ATG10: variants seen among roughly 807,000 people sequenced by gnomAD.
The protein encoded by ATG10 is ubiquitin-like-conjugating enzyme ATG10.
A neutral mutation model predicts 32.1 loss-of-function variants in ATG10; 30 were observed. That is an observed-to-expected ratio of 0.94 (90% CI 0.70 to 1.27). ATG10 has a LOEUF of 1.27. Ranked by LOEUF, ATG10 falls within the 50% of genes most tolerant of loss-of-function variation. The pLI, the probability that ATG10 is intolerant of heterozygous loss-of-function variation, is 0.00. For synonymous variants in ATG10, 87 were observed against 91.5 expected, an observed-to-expected ratio of 0.95 and a Z score of 0.28; for missense variants, 233 against 262.3, an observed-to-expected ratio of 0.89 and a Z score of 0.77.
intron 2 of ATG10, among the ~76,000 whole-genome samples, chr5:82,022,492 G>A (rs1212034027): frequency 6.6e-6 from 1 of 151,148 alleles, no homozygotes; most frequent in East Asian, 2.0e-4. Context: ...TGCCCGTCTA[G>A]TTTTTGTATT....
rs754191630 is a variant in ATG10 at position 81,987,554 on chromosome 5, T to G, written c.-12-5T>G. On this transcript the variant is annotated splice_region_variant and splice_polypyrimidine_tract_variant and intron_variant, in intron 1 of 7. Transcript: ENST00000282185. ...TGATGCTAATACTTAGTTTTTGTATTGCAGTTATCATTTAACATGGAAGAA... is the reference window on the plus strand; with the variant it reads ...TGATGCTAATACTTAGTTTTTGTATGGCAGTTATCATTTAACATGGAAGAA... 2.6e-5 allele frequency: 39 copies of G among 1,524,142 alleles called. No homozygotes were observed. Among genetic ancestry groups the G allele is most frequent in the Non-Finnish European group, 3.3e-5 (37 of 1,107,414 alleles). 94.4% of individuals were successfully genotyped at this position (1,524,142 alleles called of 1,614,324 possible).
intron 5 of ATG10, among the ~76,000 whole-genome samples, chr5:82,214,377 TATG>T (rs1745597801): frequency 6.6e-6 from 1 of 152,212 alleles, no homozygotes; most frequent in Non-Finnish European, 1.5e-5. Context: ...TCGCTAAATG[TATG>T]ATATTTTGTA....
intron 2 of ATG10, among the ~76,000 whole-genome samples, chr5:82,032,984 C>A (rs896463697): frequency 3.9e-5 from 6 of 152,022 alleles, no homozygotes; most frequent in African/African-American, 1.2e-4. Context: ...ACCATACTAT[C>A]CTGCCTGCTT....
At chr5:82,213,359 C>T (rs1179962560) in intron 5 of ATG10, among the ~76,000 whole-genome samples, 3 of 152,206 alleles carry the variant, frequency 2.0e-5, no homozygotes, top group African/African-American at 4.8e-5. Flanking sequence ...AGATATCTCT[C>T]CTAGTCTTAC....
At chr5:82,133,420 C>A (rs1766618817) in intron 3 of ATG10, among the ~76,000 whole-genome samples, 1 of 152,010 alleles carries the variant, frequency 6.6e-6, no homozygotes, top group African/African-American at 2.4e-5. Context: ...AGGAAAGCGT[C>A]CAGTTTCAGT....
At chr5:82,090,428 T>C (rs1040529086) in intron 3 of ATG10, among the ~76,000 whole-genome samples, 2 of 152,164 alleles carry the variant, frequency 1.3e-5, no homozygotes, top group African/African-American at 4.8e-5. Flanking sequence ...TATTCAGCAA[T>C]GAAAAAGAAC....
At chr5:82,090,460 G>C (rs1037897461) in intron 3 of ATG10, among the ~76,000 whole-genome samples, 9 of 152,188 alleles carry the variant, frequency 5.9e-5, no homozygotes, top group Non-Finnish European at 1.3e-4. Context: ...ACTGCAATTT[G>C]AATCAATGGC....
rs1228505996 is a variant in ATG10, at chr5:82,178,609, A to G, written c.453+22A>G. 30 of 1,439,750 alleles carry G rather than the reference A, an allele frequency of 2.1e-5. 2 individuals carry two copies. In the East Asian group the frequency reaches 6.6e-4, roughly 32 times the overall value. 89.2% of individuals were successfully genotyped at this position (1,439,750 alleles called of 1,614,324 possible). ...ACAGGTTGGAGAGTATTGTCATTTTATTGTATGCATGTTATTGTATTCTTT... is the reference window on the plus strand; with the variant it reads ...ACAGGTTGGAGAGTATTGTCATTTTGTTGTATGCATGTTATTGTATTCTTT... On this transcript the variant is annotated intron_variant, in intron 5 of 7. Coordinates refer to ENST00000282185, the MANE Select transcript of ATG10 (RefSeq NM_031482.5).
intron 3 of ATG10, among the ~76,000 whole-genome samples, chr5:82,107,625 A>G (rs1056517278): frequency 1.1e-4 from 16 of 152,234 alleles, no homozygotes; most frequent in African/African-American, 3.4e-4. Flanking sequence ...CTTCTCTGAA[A>G]TTAAAAGACT....
At chr5:82,142,234 C>T (rs1767180331) in intron 3 of ATG10, among the ~76,000 whole-genome samples, 1 of 152,150 alleles carries the variant, frequency 6.6e-6, no homozygotes, top group Admixed American at 6.5e-5. Flanking sequence ...TGGACAGACT[C>T]ATATATAAAT....
At chr5:81,992,030 G>T (rs1231626681) in intron 2 of ATG10, 3 of 151,874 alleles carry the variant, frequency 2.0e-5, no homozygotes, top group Non-Finnish European at 4.4e-5. Context: ...TCGCTCTGTT[G>T]TCCAGACTGG....
intron 2 of ATG10, among the ~76,000 whole-genome samples, chr5:81,997,463 T>C (rs1761701025): frequency 6.6e-6 from 1 of 152,186 alleles, no homozygotes; most frequent in African/African-American, 2.4e-5. Context: ...GTAAGAACTA[T>C]GGCAACTCAA....
intron 2 of ATG10, among the ~76,000 whole-genome samples, chr5:81,991,776 C>G (rs757305064): frequency 8.7e-5 from 13 of 149,322 alleles, no homozygotes; most frequent in Non-Finnish European, 1.9e-4. Flanking sequence ...GCCTGGCCAA[C>G]AAGAGTGAAA....
chr5:82,230,462 G>C (rs376713541), intron 5 of ATG10, among the ~76,000 whole-genome samples: 1 of 151,896 alleles, frequency 6.6e-6, no homozygotes, highest in African/African-American at 2.4e-5. Context: ...GGCTGGGCAC[G>C]GTGGCTCACG....
At chr5:82,104,445 A>C (rs324910) in intron 3 of ATG10, among the ~76,000 whole-genome samples, 30,061 of 151,292 alleles carry the variant, frequency 0.2, 3,291 homozygotes, top group Middle Eastern at 0.29. Context: ...TTTTTTTTTC[A>C]GTTTTAGATG....
At chr5:82,196,493 T>C (rs1744855659) in intron 5 of ATG10, among the ~76,000 whole-genome samples, 1 of 152,220 alleles carries the variant, frequency 6.6e-6, no homozygotes. Context: ...CTATGTGGTC[T>C]TCTAAGAGTT....
At chr5:82,225,073 G>A (rs901017703) in intron 5 of ATG10, among the ~76,000 whole-genome samples, 2 of 152,176 alleles carry the variant, frequency 1.3e-5, no homozygotes, top group African/African-American at 4.8e-5. Context: ...TGGTGCTCCT[G>A]TTCTGCAGGT....
At chr5:82,130,205 G>A (rs1766465050) in intron 3 of ATG10, among the ~76,000 whole-genome samples, 1 of 152,118 alleles carries the variant, frequency 6.6e-6, no homozygotes. Context: ...CATGAAACTC[G>A]AGCATCCCAG....
chr5:82,148,585 C>A (rs1767459005), intron 3 of ATG10, among the ~76,000 whole-genome samples: 1 of 152,128 alleles, frequency 6.6e-6, no homozygotes. Context: ...CCTCAAGCTA[C>A]CTGTAGTTTT....
Sources: allele counts gnomAD v4.1 joint callset (sites outside exome capture counted in the v4.1 genomes callset), GRCh38; gene constraint gnomAD v4.1.1; transcripts MANE v1.5; gene names NCBI Gene and HGNC (gene_info 2026-07-23, HGNC 2026-07-21).